HEATR4: variants seen among roughly 807,000 people sequenced by gnomAD.
HEATR4 encodes HEAT repeat containing 4, also known as HEAT repeat-containing protein 4.
Under a neutral mutation model 108.8 loss-of-function variants are expected in HEATR4, and 95 were observed. The observed-to-expected ratio is 0.87, with a 90% CI of 0.74 to 1.04. The LOEUF is 1.04. Ranked by LOEUF, HEATR4 falls within the 50% of genes least tolerant of loss-of-function variation. HEATR4 has a pLI of 0.00. For missense variants in HEATR4, 1,152 were observed against 1,253.8 expected, an observed-to-expected ratio of 0.92 and a Z score of 1.23; for synonymous variants, 443 against 459.4, an observed-to-expected ratio of 0.96 and a Z score of 0.46.
Position 73,550,289 on chromosome 14 carries a change from A to T in HEATR4, c.-152+8462T>A, listed in dbSNP as rs1321283590. Among the ~76,000 whole-genome samples, 3 of 112,858 alleles carry T rather than the reference A, an allele frequency of 2.7e-5. 1 individual carries two copies. Among genetic ancestry groups the T allele is most frequent in the African/African-American group, 8.7e-5 (3 of 34,474 alleles). The allele number at this position is 112,858 out of a possible 152,430, so 74.0% of individuals were successfully genotyped here. A position where few individuals can be genotyped will look rare whatever the true frequency, so the allele number is the denominator to read the frequency against. On this transcript the variant is annotated intron_variant, in intron 1 of 17. Transcript: ENST00000553558. ...AGCGACCATGGCACCCATACAGTCA[A>T]CACAGTGAGCCTCAGCATTCGCATT...
chr14:73,612,654 C>A, the HEATR4 span: 1 of 1,408,482 alleles, frequency 7.1e-7, no homozygotes, highest in Non-Finnish European at 9.2e-7. Flanking sequence ...GGCCTGGCCC[C>A]GGAGCAGCCA....
intron 17 of HEATR4, among the ~76,000 whole-genome samples, chr14:73,485,055 T>C (rs1373085122): frequency 6.6e-6 from 1 of 151,808 alleles, no homozygotes; most frequent in South Asian, 2.1e-4. Context: ...TCCCAACTAC[T>C]TGGGAGGCTG....
the HEATR4 span, among the ~76,000 whole-genome samples, chr14:73,565,048 AC>A: frequency 6.6e-6 from 1 of 151,930 alleles, no homozygotes; most frequent in African/African-American, 2.4e-5. Context: ...TCACAATTAA[AC>A]TGGTTAAACC....
rs553220311 is a variant in HEATR4, at chr14:73,538,333, G to C, written c.-151-8089C>G. The stretch of plus-strand genomic sequence containing the variant: ...TGCTCAGTTAAAAGACATTGTAAGG[G>C]CTGGGCGCGCTGGCTCACGCCTGTA... On this transcript the variant is annotated intron_variant, in intron 1 of 17. Transcript: ENST00000553558. 5.3e-4 allele frequency among the ~76,000 whole-genome samples: 61 copies of C among 114,354 alleles called. 18 individuals are homozygous for C. The highest frequency in any genetic ancestry group is 1.9e-3 in the Admixed American group (19 of 10,102). The allele number at this position is 114,354 out of a possible 152,430, so 75.0% of individuals were successfully genotyped here. A position where few individuals can be genotyped will look rare whatever the true frequency, so the allele number is the denominator to read the frequency against.
Position 73,495,268 on chromosome 14 carries a change from T to C in HEATR4, c.2745A>G (p.Gly915=), listed in dbSNP as rs1886045783. ...RVYLKPKGEQ[G]PLTLQTLLQE... is the part of the protein sequence containing the mutation. ...GGAGTAAAGTCTGGAGTGTTAGTGG[T>C]CCTTGTTCTCCTTTGGGTTTCAAGT... is the stretch of plus-strand genomic sequence containing the variant. The change falls in exon 16 of 18, where the codon GGA becomes GGG. Residue 915 remains glycine, a synonymous_variant. Coordinates refer to ENST00000553558, the MANE Select transcript of HEATR4 (RefSeq NM_001220484.1). The C allele has an allele frequency of 6.2e-7, 1 of 1,614,104 alleles. No homozygotes were observed. The highest frequency in any genetic ancestry group is 1.3e-5 in the African/African-American group (1 of 75,024).
At chr14:73,519,905 A>G (rs1419142773) in intron 4 of HEATR4, 1 of 152,144 alleles carries the variant, frequency 6.6e-6, no homozygotes, top group Non-Finnish European at 1.5e-5. Context: ...AATCCCAGCT[A>G]TTTGGGAGGT....
At chr14:73,491,208 A>C (rs749498368) in intron 17 of HEATR4, 3 of 1,594,664 alleles carry the variant, frequency 1.9e-6, no homozygotes, top group Admixed American at 1.7e-5. Flanking sequence ...GAGAACTCGG[A>C]GGAATCGAGG....
chr14:73,484,766 C>T (rs987631837), intron 17 of HEATR4, among the ~76,000 whole-genome samples: 1 of 151,822 alleles, frequency 6.6e-6, no homozygotes, highest in Non-Finnish European at 1.5e-5. Context: ...TTCTTTCTGT[C>T]TTCAGTTTGG....
In HEATR4 at chr14:73,511,871, T is replaced by G. The variant is rs2140281051; in HGVS notation, c.1558+135A>C. ...TCTCTATTGCTGATAAGCATGTATATATAGGCCAGTCTCTAAGTCTTGGTT... is the reference window on the plus strand; with the variant it reads ...TCTCTATTGCTGATAAGCATGTATAGATAGGCCAGTCTCTAAGTCTTGGTT... On this transcript the variant is annotated intron_variant, in intron 7 of 17. Coordinates refer to ENST00000553558, the MANE Select transcript of HEATR4 (RefSeq NM_001220484.1). 4 of 971,974 alleles carry G rather than the reference T, an allele frequency of 4.1e-6. No homozygotes were observed. In the East Asian group the frequency reaches 9.8e-5, roughly 24 times the overall value. 60.2% of individuals were successfully genotyped at this position (971,974 alleles called of 1,614,324 possible).
At chr14:73,485,036 C>A (rs763546641) in intron 17 of HEATR4, among the ~76,000 whole-genome samples, 9 of 151,892 alleles carry the variant, frequency 5.9e-5, no homozygotes, top group Non-Finnish European at 8.8e-5. Context: ...TGGTGGCAAG[C>A]GCCTGTAATC....
the HEATR4 span, among the ~76,000 whole-genome samples, chr14:73,597,936 C>T: frequency 3.1e-3 from 465 of 151,496 alleles, 3 homozygotes; most frequent in South Asian, 8.1e-3. Context: ...ATTGGCCAGG[C>T]TGGTCTTTAA....
At chr14:73,540,524 T>C (rs532201143) in intron 1 of HEATR4, among the ~76,000 whole-genome samples, 1 of 110,054 alleles carries the variant, frequency 9.1e-6, no homozygotes. Flanking sequence ...TTCAGTATCA[T>C]TCCATTTAGA....
chr14:73,559,868 A>G (rs999700864), upstream of HEATR4, among the ~76,000 whole-genome samples: 6 of 152,160 alleles, frequency 3.9e-5, no homozygotes, highest in Non-Finnish European at 8.8e-5. Context: ...GGCAGGCGTC[A>G]GATTACCAGG....
In HEATR4 at chr14:73,519,554, G is replaced by A. The variant is rs28711294; in HGVS notation, c.1070-391C>T. ...TCATCAGGAGTTCGAGACCAGCCTG[G>A]GCAACACTGTAAGACCCCCGTCTCT... On this transcript the variant is annotated intron_variant, in intron 4 of 17. Coordinates refer to ENST00000553558, the MANE Select transcript of HEATR4 (RefSeq NM_001220484.1). Among the ~76,000 whole-genome samples the A allele has an allele frequency of 1.9e-3, 283 of 152,010 alleles. 1 individual carries two copies. Among genetic ancestry groups the A allele is most frequent in the African/African-American group, 6.3e-3 (263 of 41,446 alleles).
upstream of HEATR4, among the ~76,000 whole-genome samples, chr14:73,561,482 G>T (rs780106370): frequency 1.3e-5 from 2 of 152,046 alleles, no homozygotes; most frequent in Non-Finnish European, 2.9e-5. Context: ...AAGGTCAGGA[G>T]TTCGAGACCA....
chr14:73,524,306 AAAAAATAT>A (rs1311381252), intron 2 of HEATR4, among the ~76,000 whole-genome samples: 3 of 91,010 alleles, frequency 3.3e-5, no homozygotes, highest in African/African-American at 5.7e-5. Context: ...AAAAAAAAAA[AAAAAATAT>A]ATATATATAT....
chr14:73,498,234 C>T lies in HEATR4; in HGVS notation c.2467G>A (p.Ala823Thr). ...ACCCGGTCCCCTTGAAGTTTCAGGG[C>T]TAGGATGCTACGGCAAGCTTCCAGC... is the stretch of plus-strand genomic sequence containing the variant. ...VRLEACRSIL[A>T]LKLQGDRVRD... The change falls in exon 14 of 18, where the codon GCC becomes ACC. Residue 823 changes from alanine (A) to threonine (T), a missense_variant. Ala to Thr is a moderately conservative substitution (Grantham distance 58). Transcript: ENST00000553558. 1.2e-6 allele frequency: 2 copies of T among 1,614,074 alleles called. No individual in the cohort carries two copies. Among genetic ancestry groups the T allele is most frequent in the Non-Finnish European group, 1.7e-6 (2 of 1,180,014 alleles).
chr14:73,494,188 TTCTCA>T (rs1885963211), intron 16 of HEATR4, among the ~76,000 whole-genome samples: 1 of 152,236 alleles, frequency 6.6e-6, no homozygotes, highest in South Asian at 2.1e-4. Flanking sequence ...CAAGTGAATA[TTCTCA>T]TGGTTGGTGG....
chr14:73,595,751 A>G, the HEATR4 span: 1 of 1,371,460 alleles, frequency 7.3e-7, no homozygotes, highest in Non-Finnish European at 9.6e-7. Flanking sequence ...CATTAAAGCC[A>G]TGTCTTTGTC....
Sources: allele counts gnomAD v4.1 joint callset (sites outside exome capture counted in the v4.1 genomes callset), GRCh38; gene constraint gnomAD v4.1.1; transcripts MANE v1.5; gene names NCBI Gene and HGNC (gene_info 2026-07-23, HGNC 2026-07-21).